The following PCSK6 variants were observed in gnomAD, a reference collection of about 807,000 sequenced individuals.
PCSK6 encodes the protein proprotein convertase subtilisin/kexin type 6, also known as paired basic amino acid cleaving enzyme 4.
A neutral mutation model predicts 123.3 loss-of-function variants in PCSK6; 85 were observed. The ratio of observed to expected loss-of-function variants is 0.69; its 90% confidence interval spans 0.58 to 0.83. The LOEUF (loss-of-function observed/expected upper bound fraction) is 0.83. Ranked by LOEUF, PCSK6 falls within the 40% of genes least tolerant of loss-of-function variation. PCSK6 has a pLI of 0.00. For missense variants in PCSK6, 1,191 were observed against 1,282.3 expected, an observed-to-expected ratio of 0.93 and a Z score of 1.09; for synonymous variants, 508 against 516.0, an observed-to-expected ratio of 0.98 and a Z score of 0.21.
At chr15:101,460,158 G>A (rs1364267511) in intron 1 of PCSK6, among the ~76,000 whole-genome samples, 1 of 151,774 alleles carries the variant, frequency 6.6e-6, no homozygotes, top group Non-Finnish European at 1.5e-5. Context: ...GATGGCCTGG[G>A]CCTACCCAAC....
chr15:101,399,872 G>A (rs957570156), intron 6 of PCSK6, among the ~76,000 whole-genome samples: 7 of 152,164 alleles, frequency 4.6e-5, no homozygotes, highest in African/African-American at 1.2e-4. Context: ...CTGTGTGTGC[G>A]ATGACCATGC....
intron 20 of PCSK6, among the ~76,000 whole-genome samples, chr15:101,309,456 T>C (rs1448568723): frequency 1.3e-5 from 2 of 152,244 alleles, no homozygotes; most frequent in African/African-American, 4.8e-5. Context: ...CTATGGTACC[T>C]ACTTTTCCCC....
chr15:101,372,979 G>A (rs948839802), intron 11 of PCSK6, among the ~76,000 whole-genome samples: 11 of 151,952 alleles, frequency 7.2e-5, no homozygotes, highest in African/African-American at 2.7e-4. Flanking sequence ...TAAGGCACAG[G>A]GATGAGAGAA....
intron 13 of PCSK6, among the ~76,000 whole-genome samples, chr15:101,336,100 T>C (rs1317425270): frequency 6.6e-6 from 1 of 152,218 alleles, no homozygotes; most frequent in African/African-American, 2.4e-5. Flanking sequence ...TAGTGCTCTA[T>C]CCTTGGTCAC....
intron 20 of PCSK6, chr15:101,308,504 G>T (rs544851097): frequency 3.2e-4 from 49 of 152,430 alleles, no homozygotes; most frequent in African/African-American, 1.2e-3. Context: ...CATCGCTTCA[G>T]CCTGGGTGGG....
intron 2 of PCSK6, among the ~76,000 whole-genome samples, chr15:101,443,147 T>C (rs746470678): frequency 1.1e-4 from 17 of 152,364 alleles, no homozygotes; most frequent in East Asian, 5.8e-4. Context: ...CTGAAGATCA[T>C]GTGAATCTTT....
chr15:101,424,325 C>T (rs535168640), intron 6 of PCSK6, among the ~76,000 whole-genome samples: 78 of 151,138 alleles, frequency 5.2e-4, no homozygotes, highest in African/African-American at 1.7e-3. Context: ...GACTCATCGT[C>T]GGAAACAATG....
chr15:101,307,492 C>T, intron 20 of PCSK6, 167 bp from the exon 21 acceptor site: 1 of 595,294 alleles, frequency 1.7e-6, no homozygotes, highest in Non-Finnish European at 3.0e-6. Flanking sequence ...GGCTGAGTGT[C>T]TGCATGTCTT....
chr15:101,427,186 G>C (rs1228613989), intron 6 of PCSK6, among the ~76,000 whole-genome samples: 2 of 152,138 alleles, frequency 1.3e-5, no homozygotes, highest in African/African-American at 4.8e-5. Flanking sequence ...AAGCTAAATG[G>C]CAAGACCAGA....
chr15:101,411,998 C>G (rs2055704801), intron 6 of PCSK6, among the ~76,000 whole-genome samples: 1 of 152,174 alleles, frequency 6.6e-6, no homozygotes. Flanking sequence ...CACTGCTGCT[C>G]ACAGTAATGA....
chr15:101,344,658 A>T (rs920130590), intron 13 of PCSK6, among the ~76,000 whole-genome samples: 4 of 151,718 alleles, frequency 2.6e-5, no homozygotes, highest in African/African-American at 9.7e-5. Context: ...ACTTTTTTTT[A>T]ATTTGTATTT....
rs1276593053 is a variant in PCSK6, at chr15:101,326,619, A to T, written c.2078-140T>A. 5 of 761,886 alleles carry T rather than the reference A, an allele frequency of 6.6e-6. No individual in the cohort carries two copies. In the African/African-American group the frequency reaches 7.0e-5, roughly 11 times the overall value. The allele number at this position is 761,886 out of a possible 1,614,324, so 47.2% of individuals were successfully genotyped here. ...GGCCCCGCTGGGGCTGGACGGCCAG[A>T]CGACAAGGCGGGAGCAGCCGTCCCT... On this transcript the variant is annotated intron_variant, in intron 15 of 21. Coordinates refer to ENST00000611716, the MANE Select transcript of PCSK6 (RefSeq NM_002570.5).
chr15:101,459,671 A>C (rs2057295456), intron 1 of PCSK6, among the ~76,000 whole-genome samples: 1 of 147,270 alleles, frequency 6.8e-6, no homozygotes, highest in African/African-American at 2.5e-5. Flanking sequence ...TGTCCCCTCC[A>C]TCCCAGCAAC....
chr15:101,391,424 C>T (rs1425984093), intron 8 of PCSK6, among the ~76,000 whole-genome samples: 2 of 152,330 alleles, frequency 1.3e-5, no homozygotes, highest in Non-Finnish European at 2.9e-5. Context: ...AGCAGAGGGG[C>T]CTACCCTGGG....
intron 1 of PCSK6, among the ~76,000 whole-genome samples, chr15:101,448,957 G>A (rs933205181): frequency 2.6e-5 from 4 of 152,172 alleles, no homozygotes; most frequent in African/African-American, 9.7e-5. Flanking sequence ...GCATATGTGT[G>A]GATGTATAGA....
intron 11 of PCSK6, among the ~76,000 whole-genome samples, chr15:101,379,892 C>T (rs1472648110): frequency 1.3e-5 from 2 of 152,130 alleles, no homozygotes; most frequent in Non-Finnish European, 2.9e-5. Context: ...GAGGGGAGAC[C>T]CACAGGTGGA....
At chr15:101,443,284 G>C (rs1296293007) in intron 2 of PCSK6, among the ~76,000 whole-genome samples, 1 of 152,174 alleles carries the variant, frequency 6.6e-6, no homozygotes, top group Non-Finnish European at 1.5e-5. Flanking sequence ...ATACTTGCTT[G>C]AATTGCTTAG....
chr15:101,333,115 G>A lies in PCSK6; in HGVS notation c.1859-1084C>T, dbSNP rs189543042. 4.5e-3 allele frequency among the ~76,000 whole-genome samples: 689 copies of A among 152,276 alleles called. 19 individuals carry two copies. The highest frequency in any genetic ancestry group is 0.041 in the Admixed American group (632 of 15,302). The stretch of plus-strand genomic sequence containing the variant: ...ATTAATTAACGCCTATCTGCAGGCC[G>A]ACTCTGCTGCTGGCCACTGGTTTAA... On this transcript the variant is annotated intron_variant, in intron 13 of 21. Transcript: ENST00000611716.
intron 1 of PCSK6, among the ~76,000 whole-genome samples, chr15:101,445,294 T>C (rs1340325472): frequency 6.6e-6 from 1 of 152,160 alleles, no homozygotes; most frequent in African/African-American, 2.4e-5. Context: ...GACCCTTCCC[T>C]CTGGGTGACC....
Sources: allele counts gnomAD v4.1 joint callset (sites outside exome capture counted in the v4.1 genomes callset), GRCh38; gene constraint gnomAD v4.1.1; transcripts MANE v1.5; gene names NCBI Gene and HGNC (gene_info 2026-07-23, HGNC 2026-07-21).